The following LIMCH1 variants were observed in gnomAD, a reference collection of about 807,000 sequenced individuals.
LIMCH1 encodes the protein LIM and calponin homology domains-containing protein 1.
Under a neutral mutation model 176.5 loss-of-function variants are expected in LIMCH1, and 113 were observed. The ratio of observed to expected loss-of-function variants is 0.64; its 90% confidence interval spans 0.55 to 0.75. The LOEUF (loss-of-function observed/expected upper bound fraction) is 0.75, where lower values mean the gene tolerates loss of function less well. LIMCH1 is among the 30% of genes least tolerant of loss of function. LIMCH1 has a pLI of 0.00. For missense variants in LIMCH1, 1,674 were observed against 1,814.9 expected (o/e 0.92, Z 1.41); for synonymous variants, 619 against 645.9 (o/e 0.96, Z 0.63).
chr4:41,688,209 G>T (rs910595375), intron 29 of LIMCH1, among the ~76,000 whole-genome samples: 1 of 152,188 alleles, frequency 6.6e-6, no homozygotes, highest in Admixed American at 6.5e-5. Context: ...CCAGACAACC[G>T]CTGGGCTCCA....
chr4:41,367,684 C>A (rs376835843), intron 1 of LIMCH1, among the ~76,000 whole-genome samples: 40,224 of 96,450 alleles, frequency 0.42, 8,934 homozygotes, highest in East Asian at 0.51. Flanking sequence ...ACTAAAAATC[C>A]AAAAAAAAAA....
At chr4:41,369,772 C>T (rs1047951371) in intron 1 of LIMCH1, among the ~76,000 whole-genome samples, 2 of 151,892 alleles carry the variant, frequency 1.3e-5, no homozygotes, top group East Asian at 3.9e-4. Context: ...ACCCTGTTCC[C>T]TCCTTGTTTC....
intron 1 of LIMCH1, among the ~76,000 whole-genome samples, chr4:41,572,879 A>G (rs1016786689): frequency 1.3e-5 from 2 of 152,206 alleles, no homozygotes; most frequent in Non-Finnish European, 2.9e-5. Flanking sequence ...CACTTCCCAA[A>G]GGCTACTGCT....
chr4:41,467,323 T>A (rs2066298227), intron 1 of LIMCH1, among the ~76,000 whole-genome samples: 1 of 152,200 alleles, frequency 6.6e-6, no homozygotes, highest in Admixed American at 6.5e-5. Context: ...TATTAAATGT[T>A]TTTTAACCAG....
At chr4:41,520,878 C>T (rs1345831356) in intron 2 of LIMCH1, among the ~76,000 whole-genome samples, 1 of 152,138 alleles carries the variant, frequency 6.6e-6, no homozygotes, top group Non-Finnish European at 1.5e-5. Flanking sequence ...TACCAGAGAG[C>T]AGACTACCTG....
chr4:41,668,393 G>T (rs956035031), intron 21 of LIMCH1, among the ~76,000 whole-genome samples: 2 of 152,186 alleles, frequency 1.3e-5, no homozygotes, highest in African/African-American at 4.8e-5. Context: ...GGCCATATTT[G>T]GACCAATTTT....
At position 41,419,631 on chromosome 4, in the gene LIMCH1, CTTCCTCCTTCCTTTCTTCCTCCT is replaced by C. The variant is rs1561310808; in HGVS notation, c.96+58697_96+58719del. Among the ~76,000 whole-genome samples, 33 of 86,604 alleles carry C rather than the reference CTTCCTCCTTCCTTTCTTCCTCCT, an allele frequency of 3.8e-4. 1 individual carries two copies. Among genetic ancestry groups the C allele is most frequent in the Admixed American group, 1.7e-3 (13 of 7,858 alleles). 56.8% of individuals were successfully genotyped at this position (86,604 alleles called of 152,430 possible). On this transcript the variant is annotated intron_variant, in intron 1 of 26. Transcript: ENST00000313860. ...CCTTCCTTCCTTCCTTCCTTCCTTC[CTTCCTCCTTCCTTTCTTCCTCCT>C]TCCTTCCTTCCTTCCTTCCTTCCTT...
intron 1 of LIMCH1, among the ~76,000 whole-genome samples, chr4:41,437,157 A>G: frequency 6.6e-6 from 1 of 152,242 alleles, no homozygotes; most frequent in East Asian, 1.9e-4. Flanking sequence ...ATATCTTTGC[A>G]TGTCTAGACA....
intron 20 of LIMCH1, among the ~76,000 whole-genome samples, chr4:41,665,147 T>C (rs1166497177): frequency 6.6e-6 from 1 of 152,216 alleles, no homozygotes; most frequent in Non-Finnish European, 1.5e-5. Flanking sequence ...GCCACTGTGA[T>C]TGCAACAGCT....
chr4:41,435,540 C>T (rs1208060092), intron 1 of LIMCH1, among the ~76,000 whole-genome samples: 1 of 152,212 alleles, frequency 6.6e-6, no homozygotes, highest in East Asian at 1.9e-4. Context: ...TTGTCCTAAA[C>T]CAGTCACTTA....
intron 1 of LIMCH1, among the ~76,000 whole-genome samples, chr4:41,464,167 T>G (rs1277810415): frequency 6.6e-6 from 1 of 151,490 alleles, no homozygotes; most frequent in African/African-American, 2.4e-5. Context: ...TCTAGCCAGT[T>G]ATCTCTGCTT....
chr4:41,425,219 A>T (rs1372464065), intron 1 of LIMCH1, among the ~76,000 whole-genome samples: 1 of 152,212 alleles, frequency 6.6e-6, no homozygotes, highest in East Asian at 1.9e-4. Context: ...ATACAGAGAG[A>T]GAATGACTTC....
intron 21 of LIMCH1, among the ~76,000 whole-genome samples, chr4:41,669,801 C>T (rs2094952675): frequency 6.6e-6 from 1 of 152,168 alleles, no homozygotes; most frequent in Non-Finnish European, 1.5e-5. Context: ...GCCCAGCACC[C>T]ATTTAAGGGA....
chr4:41,418,900 A>G (rs2060183274), intron 1 of LIMCH1: 1 of 152,228 alleles, frequency 6.6e-6, no homozygotes, highest in South Asian at 2.1e-4. Context: ...GAACAAACAT[A>G]TATTTTGATC....
intron 4 of LIMCH1, among the ~76,000 whole-genome samples, chr4:41,608,332 G>A (rs924911015): frequency 8.5e-5 from 13 of 152,144 alleles, no homozygotes; most frequent in Admixed American, 5.2e-4. Context: ...CTTGAACTTG[G>A]TCATGCATCC....
chr4:41,422,066 G>C (rs2060649116), intron 1 of LIMCH1, among the ~76,000 whole-genome samples: 1 of 152,098 alleles, frequency 6.6e-6, no homozygotes, highest in Non-Finnish European at 1.5e-5. Flanking sequence ...CTGGGTGACA[G>C]AGCGAGGCTC....
chr4:41,598,557 T>C (rs923406503), intron 1 of LIMCH1, among the ~76,000 whole-genome samples: 6 of 152,028 alleles, frequency 3.9e-5, no homozygotes, highest in African/African-American at 1.4e-4. Context: ...AGAAAAGAAA[T>C]CAATTTCAAC....
intron 21 of LIMCH1, among the ~76,000 whole-genome samples, chr4:41,669,045 A>C (rs1235522143): frequency 2.0e-5 from 3 of 152,154 alleles, no homozygotes; most frequent in Admixed American, 6.5e-5. Context: ...GGACATAGCC[A>C]AACCGTATGA....
chr4:41,423,689 AT>A (rs150618334), intron 1 of LIMCH1, among the ~76,000 whole-genome samples: 2,652 of 152,246 alleles, frequency 0.017, 75 homozygotes, highest in African/African-American at 0.06. Flanking sequence ...TACATTCTAT[AT>A]GTTCAAAATA....
Sources: gnomAD v4.1 joint callset for allele counts (sites outside exome capture counted in the v4.1 genomes callset) on GRCh38, gnomAD v4.1.1 for gene constraint, MANE v1.5 for transcripts, NCBI Gene and HGNC (gene_info 2026-07-23, HGNC 2026-07-21) for gene names.